RPS6KC1: variants seen among roughly 807,000 people sequenced by gnomAD.
The protein encoded by RPS6KC1 is inactive ribosomal protein S6 kinase delta-1.
RPS6KC1 carries 54 observed loss-of-function variants against 103.8 expected under a neutral mutation model. That is an observed-to-expected ratio of 0.52 (90% CI 0.42 to 0.65). The LOEUF (loss-of-function observed/expected upper bound fraction) is 0.65. Ranked by LOEUF, RPS6KC1 falls within the 30% of genes least tolerant of loss-of-function variation. The pLI is 0.00. For synonymous variants in RPS6KC1, 439 were observed against 438.7 expected, an observed-to-expected ratio of 1.00 and a Z score of -0.01; for missense variants, 1,151 against 1,253.8, an observed-to-expected ratio of 0.92 and a Z score of 1.24.
chr1:213,469,540 G>T, the RPS6KC1 span, among the ~76,000 whole-genome samples: 1 of 152,088 alleles, frequency 6.6e-6, no homozygotes, highest in Non-Finnish European at 1.5e-5. Flanking sequence ...TGATTTGTGG[G>T]TGCTGAACCT....
intron 4 of RPS6KC1, among the ~76,000 whole-genome samples, chr1:213,109,295 C>T (rs1351817468): frequency 1.3e-5 from 2 of 152,014 alleles, no homozygotes; most frequent in African/African-American, 2.4e-5. Flanking sequence ...CGCCAGCACG[C>T]CTGGCTAATT....
At chr1:213,486,565 C>A in the RPS6KC1 span, among the ~76,000 whole-genome samples, 22 of 152,112 alleles carry the variant, frequency 1.4e-4, no homozygotes, top group Admixed American at 2.6e-4. Context: ...TTGGGTGAAC[C>A]TCTCTGTTCA....
chr1:213,477,910 G>A, the RPS6KC1 span, among the ~76,000 whole-genome samples: 1 of 151,998 alleles, frequency 6.6e-6, no homozygotes, highest in Non-Finnish European at 1.5e-5. Context: ...TTACATTAGG[G>A]TTCACTCTTG....
the RPS6KC1 span, among the ~76,000 whole-genome samples, chr1:213,797,043 GA>G: frequency 6.6e-6 from 1 of 152,156 alleles, no homozygotes; most frequent in Non-Finnish European, 1.5e-5. Flanking sequence ...ATCAGTTGAT[GA>G]CTACTAAGTA....
the RPS6KC1 span, among the ~76,000 whole-genome samples, chr1:213,363,790 CTTTCTTTCTTTCTTTCTTTCT>C: frequency 2.8e-4 from 26 of 94,124 alleles, 2 homozygotes; most frequent in African/African-American, 1.6e-3. Flanking sequence ...TTCTTTCTTT[CTTTCTTTCTTTCTTTCTTTCT>C]TTCTTCTCTC....
In RPS6KC1 at chr1:213,273,030, G is replaced by T; in HGVS notation, c.*396G>T. ...ACAGTGCTTTTTGCTGACCAGGATT[G>T]GTTTATATGATTAAATTAATATTTG... On this transcript the variant is annotated 3_prime_UTR_variant, in exon 15 of 15. Transcript: ENST00000366960. 6.2e-6 allele frequency: 1 copy of T among 161,188 alleles called. No individual in the cohort carries two copies. Among genetic ancestry groups the T allele is most frequent in the Admixed American group, 5.9e-5 (1 of 16,898 alleles). The allele number at this position is 161,188 out of a possible 1,614,324, so 10.0% of individuals were successfully genotyped here.
At chr1:213,220,471 C>T (rs1242234337) in intron 8 of RPS6KC1, among the ~76,000 whole-genome samples, 1 of 152,128 alleles carries the variant, frequency 6.6e-6, no homozygotes, top group African/African-American at 2.4e-5. Flanking sequence ...GGGTTACAGG[C>T]ATGTGCCACC....
At chr1:213,531,225 C>T in the RPS6KC1 span, among the ~76,000 whole-genome samples, 1 of 152,146 alleles carries the variant, frequency 6.6e-6, no homozygotes, top group Non-Finnish European at 1.5e-5. Context: ...GCTGCCACTC[C>T]CCGCTGCAAC....
At chr1:213,807,652 TG>T in the RPS6KC1 span, among the ~76,000 whole-genome samples, 5 of 152,076 alleles carry the variant, frequency 3.3e-5, no homozygotes, top group African/African-American at 1.2e-4. Context: ...AGCACTTCTC[TG>T]TATTGGTTAT....
chr1:213,602,098 TTC>T, the RPS6KC1 span, among the ~76,000 whole-genome samples: 1 of 17,078 alleles, frequency 5.9e-5, no homozygotes, highest in South Asian at 2.3e-3. Context: ...CTTTCTTTCT[TTC>T]TTTCTTTCTT....
the RPS6KC1 span, among the ~76,000 whole-genome samples, chr1:213,498,394 G>T: frequency 6.6e-6 from 1 of 152,146 alleles, no homozygotes; most frequent in African/African-American, 2.4e-5. Context: ...AAGATACCAA[G>T]AAATACTTTT....
chr1:213,363,679 T>TTTCC, the RPS6KC1 span, among the ~76,000 whole-genome samples: 13 of 89,504 alleles, frequency 1.5e-4, 1 homozygote, highest in East Asian at 1.1e-3. Flanking sequence ...TCTTTCTTTC[T>TTTCC]TTCTTTCTTT....
chr1:213,777,204 T>G, the RPS6KC1 span, among the ~76,000 whole-genome samples: 2 of 152,208 alleles, frequency 1.3e-5, no homozygotes, highest in Admixed American at 6.5e-5. Context: ...ATTGGGTAAC[T>G]GTTTGGTGTA....
chr1:213,604,476 C>T, the RPS6KC1 span, among the ~76,000 whole-genome samples: 8 of 152,238 alleles, frequency 5.3e-5, no homozygotes, highest in African/African-American at 9.6e-5. Context: ...GGTTTGGTGC[C>T]TGTTCTTGTA....
chr1:213,859,217 T>C, the RPS6KC1 span, among the ~76,000 whole-genome samples: 267 of 152,334 alleles, frequency 1.8e-3, no homozygotes, highest in Middle Eastern at 0.01. Flanking sequence ...ATAGGGCATA[T>C]GTCCGGGGCC....
At chr1:213,671,351 G>A in the RPS6KC1 span, among the ~76,000 whole-genome samples, 1 of 152,066 alleles carries the variant, frequency 6.6e-6, no homozygotes, top group Non-Finnish European at 1.5e-5. Flanking sequence ...GAGCAGAATG[G>A]TGTTTACCAG....
the RPS6KC1 span, among the ~76,000 whole-genome samples, chr1:213,658,771 C>T: frequency 1.3e-5 from 2 of 152,102 alleles, no homozygotes; most frequent in African/African-American, 4.8e-5. Context: ...AGTGTTTGAC[C>T]AAGGAAACTG....
At chr1:213,178,226 TAA>T (rs1207909274) in intron 8 of RPS6KC1, among the ~76,000 whole-genome samples, 6 of 144,004 alleles carry the variant, frequency 4.2e-5, no homozygotes, top group Non-Finnish European at 9.0e-5. Flanking sequence ...AATAAATAAA[TAA>T]ATATCAAGTC....
intron 1 of RPS6KC1, among the ~76,000 whole-genome samples, chr1:213,067,975 G>T (rs2078478241): frequency 1.3e-5 from 2 of 152,204 alleles, no homozygotes; most frequent in South Asian, 4.2e-4. Context: ...GTCTCAAAAA[G>T]ATCATTTGCT....
Sources: allele counts gnomAD v4.1 joint callset (sites outside exome capture counted in the v4.1 genomes callset), GRCh38; gene constraint gnomAD v4.1.1; transcripts MANE v1.5; gene names NCBI Gene and HGNC (gene_info 2026-07-23, HGNC 2026-07-21).